The following NEB variants were observed in gnomAD, a reference collection of about 807,000 sequenced individuals.
NEB encodes nebulin.
Under a neutral mutation model 952.2 loss-of-function variants are expected in NEB, and 512 were observed. The ratio of observed to expected loss-of-function variants is 0.54; its 90% confidence interval spans 0.50 to 0.58. The LOEUF is 0.58. Among genes scored for constraint, NEB ranks in the 20% least tolerant of loss-of-function variants. The pLI is 0.00. For missense variants in NEB, 8,428 were observed against 9,231.1 expected, an observed-to-expected ratio of 0.91 and a Z score of 3.56; for synonymous variants, 2,900 against 3,149.8, an observed-to-expected ratio of 0.92 and a Z score of 2.66.
At chr2:151,616,354 TG>T (rs1560471211) in intron 75 of NEB, among the ~76,000 whole-genome samples, 1 of 152,004 alleles carries the variant, frequency 6.6e-6, no homozygotes, top group African/African-American at 2.4e-5. Context: ...AACATTTGGT[TG>T]GCAAAATTTT....
At chr2:151,499,422 C>G in intron 168 of NEB, 32 bp from the exon 169 acceptor site, 3 of 1,287,344 alleles carry the variant, frequency 2.3e-6, no homozygotes, top group Non-Finnish European at 3.3e-6. Flanking sequence ...CCAGAAAAAA[C>G]AAGAGCAGTC....
At position 151,697,262 on chromosome 2, in the gene NEB, G is replaced by A. The variant is rs1413993334; in HGVS notation, c.1366-10C>T. On this transcript the variant is annotated splice_polypyrimidine_tract_variant and intron_variant, in intron 15 of 181. Coordinates refer to ENST00000397345, the MANE Select transcript of NEB (RefSeq NM_001164508.2). ...CTGCTTTGTAGTTTTTCTATGAGGA[G>A]AAGAAATTAGGCATAAGATGCAGCC... 1.2e-6 allele frequency: 2 copies of A among 1,612,594 alleles called. No homozygotes were observed. The highest frequency in any genetic ancestry group is 1.3e-5 in the African/African-American group (1 of 75,014).
At chr2:151,545,830 T>A (rs2094599876) in intron 135 of NEB, 58 bp downstream of exon 135, 4 of 1,019,494 alleles carry the variant, frequency 3.9e-6, no homozygotes, top group Non-Finnish European at 5.9e-6. Flanking sequence ...CCTTGTGGAG[T>A]AATTCAGTTT....
Position 151,514,420 on chromosome 2 carries a change from G to A in NEB, c.23025C>T (p.Tyr7675=). The change falls in exon 159 of 182, where the codon TAC becomes TAT. Residue 7675 remains tyrosine (Y), a synonymous_variant. Coordinates refer to ENST00000397345, the MANE Select transcript of NEB (RefSeq NM_001164508.2). The part of the protein sequence containing the change: ...YATKIASEKE[Y]RKDLEESIRG... ...GGATGCTTTCCTCTAGATCTTTCCT[G>A]TACTCTTTCTATATCATGAAAGAAA... is the stretch of plus-strand genomic sequence containing the variant. 6.2e-7 allele frequency: 1 copy of A among 1,607,938 alleles called. No individual in the cohort carries two copies. The highest frequency in any genetic ancestry group is 8.5e-7 in the Non-Finnish European group (1 of 1,174,464).
At chr2:151,626,918 TA>T (rs1400476047) in intron 70 of NEB, 83 bp downstream of exon 70, 1 of 1,508,598 alleles carries the variant, frequency 6.6e-7, no homozygotes, top group Non-Finnish European at 9.1e-7. Flanking sequence ...TAATTGGATT[TA>T]AAAAAGAGAC....
At chr2:151,720,708 C>T (rs1229627679) in intron 9 of NEB, among the ~76,000 whole-genome samples, 1 of 152,126 alleles carries the variant, frequency 6.6e-6, no homozygotes, top group African/African-American at 2.4e-5. Context: ...CATGACATGG[C>T]ATTTCCTGGT....
chr2:151,627,240 A>G (rs2098543091), intron 69 of NEB, 35 bp from the exon 70 acceptor site: 15 of 1,587,460 alleles, frequency 9.4e-6, no homozygotes, highest in Non-Finnish European at 1.2e-5. Context: ...AGTATTACTG[A>G]AGTTGTTTTA....
chr2:151,718,994 G>A (rs2099766941), intron 9 of NEB, among the ~76,000 whole-genome samples: 1 of 152,026 alleles, frequency 6.6e-6, no homozygotes, highest in Non-Finnish European at 1.5e-5. Flanking sequence ...GCAAACCGCT[G>A]TTTCCTCTCC....
intron 64 of NEB, 118 bp downstream of exon 64, chr2:151,636,109 A>C: frequency 1.1e-6 from 1 of 886,328 alleles, no homozygotes; most frequent in Non-Finnish European, 1.7e-6. Context: ...GAAAAATCCT[A>C]CACAAATATA....
chr2:151,513,613 CAT>C lies in NEB; in HGVS notation c.23206_23207del (p.Met7736GlufsTer7), dbSNP rs2075999721. ...CAATATCAGTAGCATTCCTGGCCCT[CAT>C]AAAATCCGGAGTTTCATTGGCCATG... ...NAMANETPDF[M>X]RARNATDIAS... On this transcript the variant is annotated frameshift_variant, in exon 160 of 182. Transcript: ENST00000397345. LOFTEE classifies it high-confidence loss of function. The C allele has an allele frequency of 6.2e-7, 1 of 1,609,944 alleles. No homozygotes were observed. The highest frequency in any genetic ancestry group is 8.5e-7 in the Non-Finnish European group (1 of 1,178,164).
In NEB at chr2:151,639,309, C is replaced by T. The variant is rs1305350940; in HGVS notation, c.8965G>A (p.Ala2989Thr). The T allele has an allele frequency of 6.5e-7, 1 of 1,543,242 alleles. No homozygotes were observed. Among genetic ancestry groups the T allele is most frequent in the Non-Finnish European group, 8.7e-7 (1 of 1,147,074 alleles). ...CTGTAGTTGATTTTGTTCATTCTTGCCAACATAATTTCTGGTGTGTCTGGC... is the reference window on the plus strand; with the variant it reads ...CTGTAGTTGATTTTGTTCATTCTTGTCAACATAATTTCTGGTGTGTCTGGC... The part of the protein sequence containing the change: ...IMPDTPEIML[A>T]RMNKINYSES... The change falls in exon 63 of 182, where the codon GCA becomes ACA. Residue 2989 changes from alanine (A) to threonine (T), a missense_variant. By Grantham distance (58) the Ala-to-Thr change is moderately conservative. This residue lies in a region of NEB where 1,772 missense variants were observed against 1,960.3 expected (regional missense o/e 0.90). Coordinates refer to ENST00000397345, the MANE Select transcript of NEB (RefSeq NM_001164508.2).
intron 107 of NEB, among the ~76,000 whole-genome samples, chr2:151,571,430 G>C (rs551464446): frequency 6.6e-6 from 1 of 152,132 alleles, no homozygotes; most frequent in African/African-American, 2.4e-5. Flanking sequence ...GATAACTTTA[G>C]ACATTAATGG....
chr2:151,543,487 T>G (rs1389635821), intron 135 of NEB, among the ~76,000 whole-genome samples: 2 of 152,208 alleles, frequency 1.3e-5, no homozygotes, highest in African/African-American at 4.8e-5. Context: ...ACTCTTAGAA[T>G]TTTATGGCTA....
chr2:151,709,676 C>CT lies in NEB; in HGVS notation c.1014dup (p.Ala339SerfsTer6). On this transcript the variant is annotated frameshift_variant, in exon 12 of 182. Coordinates refer to ENST00000397345, the MANE Select transcript of NEB (RefSeq NM_001164508.2). LOFTEE classifies it high-confidence loss of function. ...CATACCTTGCTAGCTGCCACACCAG[C>CT]TTTTTTATTCATTTTATACTCTGGT... 1 of 1,598,928 alleles carries CT rather than the reference C, an allele frequency of 6.3e-7. No individual in the cohort carries two copies. The highest frequency in any genetic ancestry group is 8.5e-7 in the Non-Finnish European group (1 of 1,171,574).
intron 95 of NEB, among the ~76,000 whole-genome samples, chr2:151,591,791 T>G (rs2097282413): frequency 6.6e-6 from 1 of 152,310 alleles, no homozygotes. Context: ...TTACTCTACG[T>G]GTATCTATAA....
chr2:151,643,062 A>T, intron 58 of NEB, 88 bp downstream of exon 58: 1 of 1,408,594 alleles, frequency 7.1e-7, no homozygotes, highest in Non-Finnish European at 9.8e-7. Flanking sequence ...AAAGGAATCA[A>T]AAACAAGTTT....
Position 151,527,041 on chromosome 2 carries a change from A to T in NEB, c.21841-19T>A. 6.6e-7 allele frequency: 1 copy of T among 1,523,954 alleles called. No individual in the cohort carries two copies. Among genetic ancestry groups the T allele is most frequent in the Admixed American group, 1.9e-5 (1 of 53,904 alleles). 94.4% of individuals were successfully genotyped at this position (1,523,954 alleles called of 1,614,324 possible). A position where few individuals can be genotyped will look rare whatever the true frequency, so the allele number is the denominator to read the frequency against. On this transcript the variant is annotated intron_variant, in intron 147 of 181. Transcript: ENST00000397345. ...ATTCAAACTGTGATAGAAGAAAGGC[A>T]GAAGAAAAGGGAAGGGTGACAGCAC... is the stretch of plus-strand genomic sequence containing the variant.
chr2:151,634,457 T>C (rs1260118490), intron 64 of NEB, among the ~76,000 whole-genome samples: 1 of 151,924 alleles, frequency 6.6e-6, no homozygotes, highest in East Asian at 1.9e-4. Flanking sequence ...TCCTGGCTAA[T>C]ATGGTGAAAC....
At chr2:151,503,714 A>G (rs750685144) in intron 165 of NEB, among the ~76,000 whole-genome samples, 2 of 152,228 alleles carry the variant, frequency 1.3e-5, no homozygotes, top group Non-Finnish European at 2.9e-5. Context: ...AAATTTACCA[A>G]TGAGAAAAAT....
Sources: gnomAD v4.1 joint callset for allele counts (sites outside exome capture counted in the v4.1 genomes callset) on GRCh38, gnomAD v4.1.1 for gene constraint, gnomAD v4.1.1 regional missense constraint, MANE v1.5 for transcripts, NCBI Gene and HGNC (gene_info 2026-07-23, HGNC 2026-07-21) for gene names.